CELSR1: variants seen among roughly 807,000 people sequenced by gnomAD.
CELSR1 encodes the protein cadherin EGF LAG seven-pass G-type receptor 1.
CELSR1 carries 110 observed loss-of-function variants against 249.1 expected under a neutral mutation model. The observed-to-expected ratio is 0.44, with a 90% confidence interval of 0.38 to 0.52. The LOEUF (loss-of-function observed/expected upper bound fraction) is 0.52. Ranked by LOEUF, CELSR1 falls within the 20% of genes least tolerant of loss-of-function variation. The probability of loss-of-function intolerance (pLI) is 0.00; values close to 1 mark genes in which losing one functional copy is unlikely to be tolerated. For synonymous variants in CELSR1, 2,113 were observed against 1,900.0 expected, an observed-to-expected ratio of 1.11 and a Z score of -2.92; for missense variants, 4,109 against 4,296.4, an observed-to-expected ratio of 0.96 and a Z score of 1.22.
chr22:46,508,436 C>CCA (rs1332879327), intron 1 of CELSR1, among the ~76,000 whole-genome samples: 63 of 139,628 alleles, frequency 4.5e-4, no homozygotes, highest in African/African-American at 1.7e-3. Context: ...CTGTGGCCCC[C>CCA]CCACCCCCGC....
At chr22:46,439,796 G>T (rs1404694387) in intron 2 of CELSR1, among the ~76,000 whole-genome samples, 1 of 152,144 alleles carries the variant, frequency 6.6e-6, no homozygotes, top group Non-Finnish European at 1.5e-5. Context: ...GAGCACCTCA[G>T]GCCCCTCCCC....
chr22:46,492,193 G>T (rs541032836), intron 1 of CELSR1, among the ~76,000 whole-genome samples: 1 of 152,156 alleles, frequency 6.6e-6, no homozygotes, highest in South Asian at 2.1e-4. Context: ...GAATGAAGCC[G>T]GCCAACATGC....
chr22:46,529,334 G>T (rs977816340), intron 1 of CELSR1, among the ~76,000 whole-genome samples: 1 of 151,960 alleles, frequency 6.6e-6, no homozygotes, highest in African/African-American at 2.4e-5. Flanking sequence ...ATTATGTTAA[G>T]TGAAATAAGC....
chr22:46,445,970 C>A lies in CELSR1; in HGVS notation c.4184-6559G>T, dbSNP rs2079814837. On this transcript the variant is annotated intron_variant, in intron 2 of 34. Transcript: ENST00000674500. This position sits in a 1 kb window ranked among gnomAD's most constrained non-coding sequence, Gnocchi z 4.4. ...CCTCGCCTCGCGGCCCCTGCTCCTG[C>A]CGCACAGCCTCCAGACCTACTTGTC... Among the ~76,000 whole-genome samples the A allele has an allele frequency of 6.6e-6, 1 of 152,176 alleles. No homozygotes were observed. The highest frequency in any genetic ancestry group is 2.4e-5 in the African/African-American group (1 of 41,440).
chr22:46,520,302 C>T (rs1236861672), intron 1 of CELSR1, among the ~76,000 whole-genome samples: 3 of 152,086 alleles, frequency 2.0e-5, no homozygotes, highest in Admixed American at 6.5e-5. Flanking sequence ...CAAAGGAACC[C>T]GTTCAGTGCT....
chr22:46,385,714 C>T (rs1418820741), intron 19 of CELSR1, among the ~76,000 whole-genome samples: 2 of 145,372 alleles, frequency 1.4e-5, no homozygotes, highest in Non-Finnish European at 3.0e-5. Flanking sequence ...GTCTGGCTCT[C>T]TCGCCCAGGC....
At chr22:46,438,374 C>G (rs1361624527) in intron 3 of CELSR1, among the ~76,000 whole-genome samples, 1 of 152,204 alleles carries the variant, frequency 6.6e-6, no homozygotes, top group East Asian at 1.9e-4. Context: ...AACCCGGCCC[C>G]TCACAGCGGC....
chr22:46,442,255 G>T (rs2079759744), intron 2 of CELSR1, among the ~76,000 whole-genome samples: 2 of 152,270 alleles, frequency 1.3e-5, no homozygotes, highest in South Asian at 4.1e-4. Context: ...GTGGGTTGCT[G>T]ATGGCTCACA....
intron 1 of CELSR1, among the ~76,000 whole-genome samples, chr22:46,503,475 C>G (rs567306037): frequency 6.6e-6 from 1 of 152,218 alleles, no homozygotes; most frequent in Non-Finnish European, 1.5e-5. Flanking sequence ...ACTGTGACCA[C>G]GGGAGGCTAC....
rs147706340 is a variant in CELSR1, at chr22:46,525,893, G to A, written c.3544+7734C>T. ...TGGGGCCAGCGTGGGGTTCTGGCACGCCCAGCAACATGGGCCCGCTCCAGG... is the reference window on the plus strand; with the variant it reads ...TGGGGCCAGCGTGGGGTTCTGGCACACCCAGCAACATGGGCCCGCTCCAGG... On this transcript the variant is annotated intron_variant, in intron 1 of 34. Coordinates refer to ENST00000674500, the MANE Select transcript of CELSR1 (RefSeq NM_001378328.1). 1.3e-4 allele frequency among the ~76,000 whole-genome samples: 20 copies of A among 152,394 alleles called. 1 individual carries two copies. In the South Asian group the frequency reaches 3.7e-3, roughly 28 times the overall value.
At chr22:46,371,866 A>AATCC (rs71719588) in intron 25 of CELSR1, among the ~76,000 whole-genome samples, 23,024 of 126,842 alleles carry the variant, frequency 0.18, 2,967 homozygotes, top group African/African-American at 0.37. Context: ...TCACTTATCC[A>AATCC]ATCCATCCAT....
rs180884204 is a variant in CELSR1 at position 46,408,113 on chromosome 22, C to T, written c.5226+883G>A. On this transcript the variant is annotated intron_variant, in intron 9 of 34. Transcript: ENST00000674500. This position sits in a 1 kb window ranked among gnomAD's most constrained non-coding sequence, Gnocchi z 4.6. ...GAAGATGCGAGCAGAAACCGTGTGG[C>T]GCAGAAAACCGGAGGAAAGAGTGCA... Among the ~76,000 whole-genome samples, 2 of 152,340 alleles carry T rather than the reference C, an allele frequency of 1.3e-5. No homozygotes were observed. The highest frequency in any genetic ancestry group is 6.5e-5 in the Admixed American group (1 of 15,306).
intron 1 of CELSR1, among the ~76,000 whole-genome samples, chr22:46,497,150 C>T (rs1474293675): frequency 1.3e-5 from 2 of 152,192 alleles, no homozygotes; most frequent in Admixed American, 1.3e-4. Flanking sequence ...TATGACACCA[C>T]CATCCTATAT....
Position 46,518,277 on chromosome 22 carries a change from C to T in CELSR1, c.3544+15350G>A, listed in dbSNP as rs1414407700. ...CCCCTCAGCACAGACGCTGCTATCA[C>T]AGCAGACCTTACTGAGGAGTCAGAG... On this transcript the variant is annotated intron_variant, in intron 1 of 34. Coordinates refer to ENST00000674500, the MANE Select transcript of CELSR1 (RefSeq NM_001378328.1). The surrounding 1 kb of genome is among the most constrained non-coding windows in gnomAD (Gnocchi z 5.2). 6.6e-6 allele frequency among the ~76,000 whole-genome samples: 1 copy of T among 152,198 alleles called. No individual in the cohort carries two copies. The highest frequency in any genetic ancestry group is 1.5e-5 in the Non-Finnish European group (1 of 68,044).
intron 4 of CELSR1, among the ~76,000 whole-genome samples, chr22:46,435,279 ATTT>A (rs887443508): frequency 0.051 from 5,479 of 107,854 alleles, 144 homozygotes; most frequent in African/African-American, 0.1. Context: ...AAAAAAAAAA[ATTT>A]TTTTTTTTTT....
At chr22:46,465,235 G>C (rs2080083723) in intron 1 of CELSR1, among the ~76,000 whole-genome samples, 1 of 151,990 alleles carries the variant, frequency 6.6e-6, no homozygotes, top group Non-Finnish European at 1.5e-5. Context: ...ATGTGGGGTG[G>C]GATTTGCAGA....
At position 46,378,699 on chromosome 22, in the gene CELSR1, C is replaced by A; in HGVS notation, c.7275G>T (p.Gly2425=). Residue 2425 remains glycine (G), a synonymous_variant, in exon 23 of 35, where the codon GGG becomes GGT. Coordinates refer to ENST00000674500, the MANE Select transcript of CELSR1 (RefSeq NM_001378328.1). ...NHSLAVGGTG[G]WSARGCELLS... is the part of the protein sequence containing the mutation. Reference sequence around the variant, plus strand: ...GGAGCTCGCAGCCCCGGGCAGACCACCCTCCCGTCCCACCAACGCTGCGGA... The same window carrying A: ...GGAGCTCGCAGCCCCGGGCAGACCAACCTCCCGTCCCACCAACGCTGCGGA... 6.2e-7 allele frequency: 1 copy of A among 1,612,570 alleles called. No homozygotes were observed. Among genetic ancestry groups the A allele is most frequent in the Non-Finnish European group, 8.5e-7 (1 of 1,179,778 alleles).
rs2080456514 is a variant in CELSR1, at chr22:46,500,583, A to G, written c.3544+33044T>C. Reference sequence around the variant, plus strand: ...GTCAATGACACCCATAACTTGTCACAGAAGAACAGAGGCCCGAGCTAGCCC... The same window carrying G: ...GTCAATGACACCCATAACTTGTCACGGAAGAACAGAGGCCCGAGCTAGCCC... On this transcript the variant is annotated intron_variant, in intron 1 of 34. Coordinates refer to ENST00000674500, the MANE Select transcript of CELSR1 (RefSeq NM_001378328.1). This position sits in a 1 kb window ranked among gnomAD's most constrained non-coding sequence, Gnocchi z 4.9. Among the ~76,000 whole-genome samples, 1 of 152,234 alleles carries G rather than the reference A, an allele frequency of 6.6e-6. No individual in the cohort carries two copies. The highest frequency in any genetic ancestry group is 2.1e-4 in the South Asian group (1 of 4,826).
intron 2 of CELSR1, among the ~76,000 whole-genome samples, chr22:46,461,273 C>A (rs919975059): frequency 3.3e-5 from 5 of 152,224 alleles, no homozygotes; most frequent in African/African-American, 1.2e-4. Context: ...TAGTCTCATG[C>A]CAATCATTAC....
Sources: allele counts gnomAD v4.1 joint callset (sites outside exome capture counted in the v4.1 genomes callset), GRCh38; gene constraint gnomAD v4.1.1; non-coding constraint Gnocchi (gnomAD v3.1); transcripts MANE v1.5; gene names NCBI Gene and HGNC (gene_info 2026-07-23, HGNC 2026-07-21).